Variants in BMERB1 observed in about 807,000 individuals in gnomAD.
The protein encoded by BMERB1 is bMERB domain-containing protein 1.
A neutral mutation model predicts 23.6 loss-of-function variants in BMERB1; 12 were observed. That is an observed-to-expected ratio of 0.51 (90% confidence interval 0.33 to 0.82). BMERB1 has a LOEUF of 0.82. BMERB1 is among the 40% of genes least tolerant of loss of function. The pLI, the probability that BMERB1 is intolerant of heterozygous loss-of-function variation, is 0.03. For synonymous variants in BMERB1, 122 were observed against 96.6 expected (o/e 1.26, Z -1.54); for missense variants, 247 against 255.4 (o/e 0.97, Z 0.22).
intron 4 of BMERB1, among the ~76,000 whole-genome samples, chr16:15,581,744 C>A (rs1250668680): frequency 1.3e-5 from 2 of 152,202 alleles, no homozygotes; most frequent in Middle Eastern, 3.2e-3. Flanking sequence ...CCTTTCCCTT[C>A]CCCTTAGTGG....
chr16:15,509,055 C>A (rs958201674), intron 1 of BMERB1, among the ~76,000 whole-genome samples: 1 of 151,834 alleles, frequency 6.6e-6, no homozygotes, highest in East Asian at 1.9e-4. Context: ...TGGAGCCTGG[C>A]ACCACCGCCT....
chr16:15,485,848 C>T (rs2051364395), intron 1 of BMERB1, among the ~76,000 whole-genome samples: 1 of 152,124 alleles, frequency 6.6e-6, no homozygotes, highest in South Asian at 2.1e-4. Context: ...ACTAGTCATT[C>T]TTGGGAGCTG....
intron 1 of BMERB1, among the ~76,000 whole-genome samples, chr16:15,495,068 A>C (rs1423175569): frequency 2.0e-5 from 3 of 150,492 alleles, no homozygotes; most frequent in Non-Finnish European, 4.4e-5. Flanking sequence ...ATTTTTAGTA[A>C]AGGTGGGGTT....
intron 1 of BMERB1, among the ~76,000 whole-genome samples, chr16:15,488,684 A>AT (rs2051388398): frequency 6.6e-6 from 1 of 151,082 alleles, no homozygotes; most frequent in South Asian, 2.1e-4. Context: ...AAAAAAAAAA[A>AT]ATACAAAAAT....
intron 1 of BMERB1, among the ~76,000 whole-genome samples, chr16:15,506,590 T>G (rs2051594497): frequency 6.6e-6 from 1 of 152,058 alleles, no homozygotes; most frequent in Non-Finnish European, 1.5e-5. Context: ...CAGATCACTA[T>G]ATGTGGACAA....
chr16:15,507,931 G>A (rs1000989011), intron 1 of BMERB1, among the ~76,000 whole-genome samples: 2 of 152,146 alleles, frequency 1.3e-5, no homozygotes, highest in African/African-American at 4.8e-5. Flanking sequence ...GCCCACTGAT[G>A]TCTGGGAATA....
intron 1 of BMERB1, among the ~76,000 whole-genome samples, chr16:15,503,141 C>G (rs1366083108): frequency 6.6e-6 from 1 of 152,154 alleles, no homozygotes; most frequent in South Asian, 2.1e-4. Context: ...GAGTATTATG[C>G]TGAATCTGTG....
intron 3 of BMERB1, 45 bp from the exon 4 acceptor site, chr16:15,581,172 C>T: frequency 6.8e-7 from 1 of 1,474,148 alleles, no homozygotes; most frequent in Non-Finnish European, 9.3e-7. Flanking sequence ...CCACCTCAGC[C>T]TCCCAAAATG....
At chr16:15,454,626 C>A (rs2051068456) in intron 1 of BMERB1, among the ~76,000 whole-genome samples, 1 of 152,166 alleles carries the variant, frequency 6.6e-6, no homozygotes, top group African/African-American at 2.4e-5. Flanking sequence ...AACCCCATCT[C>A]TACTAAAAAT....
intron 2 of BMERB1, among the ~76,000 whole-genome samples, chr16:15,521,603 C>CTT (rs1555510936): frequency 6.6e-6 from 1 of 152,138 alleles, no homozygotes; most frequent in African/African-American, 2.4e-5. Flanking sequence ...GGTGTGAACT[C>CTT]TGAGTGTGCT....
chr16:15,583,110 T>C (rs765674565), intron 4 of BMERB1, 46 bp from the exon 5 acceptor site: 1 of 1,429,962 alleles, frequency 7.0e-7, no homozygotes, highest in South Asian at 1.1e-5. Flanking sequence ...GATGCTTTCC[T>C]TGCTTGCTGT....
At chr16:15,528,477 A>G (rs967082012) in intron 2 of BMERB1, among the ~76,000 whole-genome samples, 9 of 152,170 alleles carry the variant, frequency 5.9e-5, no homozygotes, top group African/African-American at 2.2e-4. Context: ...ATTTGTTAGC[A>G]TGATAAAGCC....
chr16:15,473,253 T>C (rs1293781724), intron 1 of BMERB1, among the ~76,000 whole-genome samples: 1 of 151,724 alleles, frequency 6.6e-6, no homozygotes, highest in Non-Finnish European at 1.5e-5. Context: ...TCTTCTGTTA[T>C]CATTACCTTT....
chr16:15,501,508 T>C (rs2051529977), intron 1 of BMERB1, among the ~76,000 whole-genome samples: 3 of 152,062 alleles, frequency 2.0e-5, no homozygotes, highest in Admixed American at 2.0e-4. Context: ...AGAGTCTCCC[T>C]CTGTTGCCCA....
chr16:15,461,327 G>A (rs77985694), intron 1 of BMERB1, among the ~76,000 whole-genome samples: 1,709 of 152,182 alleles, frequency 0.011, 23 homozygotes, highest in South Asian at 0.044. Context: ...AAGCAGTGTG[G>A]TGCTTCCTGG....
chr16:15,457,160 A>G (rs2051093796), intron 1 of BMERB1, among the ~76,000 whole-genome samples: 1 of 152,196 alleles, frequency 6.6e-6, no homozygotes, highest in South Asian at 2.1e-4. Flanking sequence ...AGAATTGCTG[A>G]GTTAAAAGCT....
intron 2 of BMERB1, among the ~76,000 whole-genome samples, chr16:15,543,678 G>A (rs1283880629): frequency 6.6e-6 from 1 of 151,562 alleles, no homozygotes; most frequent in Non-Finnish European, 1.5e-5. Context: ...GAAATGAGCT[G>A]GGCATGGTAG....
chr16:15,452,282 TAA>T (rs777225534), intron 1 of BMERB1, among the ~76,000 whole-genome samples: 11 of 94,902 alleles, frequency 1.2e-4, no homozygotes, highest in Admixed American at 2.7e-4. Flanking sequence ...CCCTGTCTCT[TAA>T]AAAAAAAAAA....
chr16:15,578,367 T>C (rs1409319041), intron 3 of BMERB1, among the ~76,000 whole-genome samples: 1 of 152,144 alleles, frequency 6.6e-6, no homozygotes, highest in Non-Finnish European at 1.5e-5. Flanking sequence ...CTTGGGTCTC[T>C]TTCCTCTTCT....
Sources: allele counts gnomAD v4.1 joint callset (sites outside exome capture counted in the v4.1 genomes callset), GRCh38; gene constraint gnomAD v4.1.1; transcripts MANE v1.5; gene names NCBI Gene and HGNC (gene_info 2026-07-23, HGNC 2026-07-21).